Variants in RNF169 observed in about 807,000 individuals in gnomAD.
The protein encoded by RNF169 is E3 ubiquitin-protein ligase RNF169.
A neutral mutation model predicts 53.9 loss-of-function variants in RNF169; 24 were observed. The observed-to-expected ratio is 0.45, with a 90% CI of 0.32 to 0.63. RNF169 has a LOEUF of 0.63. RNF169 is among the 20% of genes least tolerant of loss of function. The probability of loss-of-function intolerance (pLI) is 0.04; values close to 1 mark genes in which losing one functional copy is unlikely to be tolerated. For missense variants in RNF169, 883 were observed against 906.2 expected (o/e 0.97, Z 0.33); for synonymous variants, 396 against 363.5 (o/e 1.09, Z -1.02).
intron 4 of RNF169, among the ~76,000 whole-genome samples, chr11:74,829,509 T>C (rs1388633242): frequency 6.6e-6 from 1 of 152,124 alleles, no homozygotes. Flanking sequence ...CACAAAGGAA[T>C]ATATATCATT....
intron 1 of RNF169, among the ~76,000 whole-genome samples, chr11:74,767,709 A>G (rs1254492823): frequency 5.3e-5 from 8 of 150,978 alleles, no homozygotes; most frequent in Admixed American, 5.3e-4. Context: ...AGCTTGGACT[A>G]CAGGTGCCCG....
At chr11:74,761,681 G>A (rs961923952) in intron 1 of RNF169, among the ~76,000 whole-genome samples, 11 of 152,154 alleles carry the variant, frequency 7.2e-5, no homozygotes, top group African/African-American at 9.7e-5. Context: ...CGAGAGATCC[G>A]CTGTTAGTCT....
chr11:74,766,489 A>G (rs1489502311), intron 1 of RNF169, among the ~76,000 whole-genome samples: 1 of 152,200 alleles, frequency 6.6e-6, no homozygotes, highest in Non-Finnish European at 1.5e-5. Flanking sequence ...GGTATTAAAG[A>G]CTTATATTTT....
chr11:74,799,307 A>T (rs549713780), intron 2 of RNF169, among the ~76,000 whole-genome samples: 1 of 152,134 alleles, frequency 6.6e-6, no homozygotes, highest in Non-Finnish European at 1.5e-5. Context: ...TAACTACATG[A>T]GGGAAGAACA....
intron 1 of RNF169, among the ~76,000 whole-genome samples, chr11:74,785,061 G>A (rs1289358429): frequency 2.0e-5 from 3 of 150,846 alleles, no homozygotes; most frequent in Non-Finnish European, 4.4e-5. Context: ...TTTTAATTGT[G>A]CTCTTCCGCA....
At chr11:74,758,270 G>A (rs1468135117) in intron 1 of RNF169, among the ~76,000 whole-genome samples, 5 of 140,450 alleles carry the variant, frequency 3.6e-5, no homozygotes, top group Non-Finnish European at 6.1e-5. Flanking sequence ...TTTCCCCATT[G>A]CTTGTTTTTC....
chr11:74,780,523 G>C (rs892018222), intron 1 of RNF169, among the ~76,000 whole-genome samples: 1 of 152,148 alleles, frequency 6.6e-6, no homozygotes, highest in Non-Finnish European at 1.5e-5. Context: ...TAAGAATTCA[G>C]CCTCATTGAT....
chr11:74,783,524 T>C (rs536188537), intron 1 of RNF169, among the ~76,000 whole-genome samples: 6 of 152,346 alleles, frequency 3.9e-5, no homozygotes, highest in African/African-American at 1.2e-4. Flanking sequence ...ACACCTGAAG[T>C]AGTTTCCAGC....
intron 4 of RNF169, among the ~76,000 whole-genome samples, chr11:74,834,363 C>T (rs1360733919): frequency 6.6e-6 from 1 of 152,198 alleles, no homozygotes; most frequent in East Asian, 1.9e-4. Flanking sequence ...ATTGTATCCA[C>T]CCTATTAAGG....
chr11:74,756,584 T>C (rs1202324970), intron 1 of RNF169, among the ~76,000 whole-genome samples: 1 of 152,242 alleles, frequency 6.6e-6, no homozygotes, highest in Non-Finnish European at 1.5e-5. Flanking sequence ...CAGGAATGGC[T>C]TCAGTGAATG....
chr11:74,785,456 A>ATT (rs199680589), intron 1 of RNF169, among the ~76,000 whole-genome samples: 1 of 147,856 alleles, frequency 6.8e-6, no homozygotes. Flanking sequence ...AAAAGTGAGG[A>ATT]TTTTTTTTTT....
rs191652484 is a variant in RNF169, at chr11:74,807,296, C to G, written c.577-2888C>G. 2.6e-3 allele frequency among the ~76,000 whole-genome samples: 399 copies of G among 152,266 alleles called. 2 individuals are homozygous for G. Among genetic ancestry groups the G allele is most frequent in the African/African-American group, 9.4e-3 (389 of 41,558 alleles). ...AATGGGATGTGGGAGCCAATAGATA[C>G]ATGCTTCCTTTTTTTTTCACCTCAG... On this transcript the variant is annotated intron_variant, in intron 2 of 5. Coordinates refer to ENST00000299563, the MANE Select transcript of RNF169 (RefSeq NM_001098638.2).
At chr11:74,833,426 T>TA (rs1433109949) in intron 4 of RNF169, among the ~76,000 whole-genome samples, 2 of 152,334 alleles carry the variant, frequency 1.3e-5, no homozygotes, top group East Asian at 3.9e-4. Context: ...CACCTTGACT[T>TA]ACGGCATATT....
chr11:74,753,081 G>T (rs1299872444), intron 1 of RNF169, among the ~76,000 whole-genome samples: 1 of 152,064 alleles, frequency 6.6e-6, no homozygotes, highest in Non-Finnish European at 1.5e-5. Flanking sequence ...CGATTCTCCT[G>T]TCTCCATCTC....
intron 2 of RNF169, among the ~76,000 whole-genome samples, chr11:74,793,154 A>G (rs2035602900): frequency 6.6e-6 from 1 of 152,260 alleles, no homozygotes; most frequent in African/African-American, 2.4e-5. Context: ...GATTCCATTT[A>G]TAGAAAATGG....
chr11:74,763,953 C>G (rs143686637), intron 1 of RNF169, among the ~76,000 whole-genome samples: 3,222 of 152,256 alleles, frequency 0.021, 108 homozygotes, highest in African/African-American at 0.074. Context: ...CTCAAGTGAT[C>G]CTCCCACCTT....
rs76238087 is a variant in RNF169 at position 74,781,787 on chromosome 11, A to G, written c.503-7839A>G. Among the ~76,000 whole-genome samples, 35 of 152,288 alleles carry G rather than the reference A, an allele frequency of 2.3e-4. No homozygotes were observed. The East Asian group carries it at 3.5e-3, about 15-fold the overall frequency. On this transcript the variant is annotated intron_variant, in intron 1 of 5. Transcript: ENST00000299563. ...GTGCACAGGCAGACCCTGGATCTAG[A>G]TTGCTTGTGTTAAATCATAGCTCTT...
chr11:74,801,245 C>T lies in RNF169; in HGVS notation c.577-8939C>T, dbSNP rs967423600. On this transcript the variant is annotated intron_variant, in intron 2 of 5. Coordinates refer to ENST00000299563, the MANE Select transcript of RNF169 (RefSeq NM_001098638.2). Reference sequence around the variant, plus strand: ...AGTTATGGCTTTTATGCACGTTAGCCTTGTATGCAAGAGATCGTTTGCTGT... The same window carrying T: ...AGTTATGGCTTTTATGCACGTTAGCTTTGTATGCAAGAGATCGTTTGCTGT... Among the ~76,000 whole-genome samples, 15 of 152,096 alleles carry T rather than the reference C, an allele frequency of 9.9e-5. 1 individual carries two copies. Among genetic ancestry groups the T allele is most frequent in the African/African-American group, 3.4e-4 (14 of 41,422 alleles).
intron 4 of RNF169, among the ~76,000 whole-genome samples, chr11:74,825,851 A>G (rs769472121): frequency 6.6e-5 from 10 of 152,188 alleles, no homozygotes; most frequent in Non-Finnish European, 1.3e-4. Flanking sequence ...ACACTGCTAT[A>G]AAGAACGGCC....
Sources: allele counts gnomAD v4.1 joint callset (sites outside exome capture counted in the v4.1 genomes callset), GRCh38; gene constraint gnomAD v4.1.1; transcripts MANE v1.5; gene names NCBI Gene and HGNC (gene_info 2026-07-23, HGNC 2026-07-21).